The following NFKBIE variants were observed in gnomAD, a reference collection of about 807,000 sequenced individuals.
The protein encoded by NFKBIE is NF-kappa-B inhibitor epsilon.
A neutral mutation model predicts 31.6 loss-of-function variants in NFKBIE; 11 were observed. The observed-to-expected ratio is 0.35, with a 90% CI of 0.22 to 0.58. The LOEUF is 0.58. Among genes scored for constraint, NFKBIE ranks in the 20% least tolerant of loss-of-function variants. NFKBIE has a pLI of 0.83. For missense variants in NFKBIE, 354 were observed against 465.7 expected, an observed-to-expected ratio of 0.76 and a Z score of 2.21; for synonymous variants, 208 against 210.1, an observed-to-expected ratio of 0.99 and a Z score of 0.09.
Position 44,265,462 on chromosome 6 carries a change from G to C in NFKBIE, c.-116C>G, listed in dbSNP as rs1319403071. The stretch of plus-strand genomic sequence containing the variant: ...GCAGAGCGGGCGCCCGGCCCGCGGC[G>C]GCCTCCTTCCCGGGCTGTGGGGCTC... On this transcript the variant is annotated 5_prime_UTR_variant, in exon 1 of 6. Transcript: ENST00000619360. 6.6e-7 allele frequency: 1 copy of C among 1,507,988 alleles called. No individual in the cohort carries two copies. Among genetic ancestry groups the C allele is most frequent in the Non-Finnish European group, 8.8e-7 (1 of 1,135,230 alleles). 93.4% of individuals were successfully genotyped at this position (1,507,988 alleles called of 1,614,324 possible). A position where few individuals can be genotyped will look rare whatever the true frequency, so the allele number is the denominator to read the frequency against.
chr6:44,259,373 T>A lies in NFKBIE; in HGVS notation c.1021-89A>T, dbSNP rs1781807892. On this transcript the variant is annotated intron_variant, in intron 5 of 5. Transcript: ENST00000619360. ...GACCCAGGGAAACCTGTTGGGCCACTCCCTCCCCACCAAATGACAGTTGAA... is the reference window on the plus strand; with the variant it reads ...GACCCAGGGAAACCTGTTGGGCCACACCCTCCCCACCAAATGACAGTTGAA... The A allele has an allele frequency of 5.5e-6, 5 of 901,552 alleles. No individual in the cohort carries two copies. The South Asian group carries it at 6.5e-5, about 12-fold the overall frequency. The allele number at this position is 901,552 out of a possible 1,614,324, so 55.8% of individuals were successfully genotyped here.
rs919026010 is a variant in NFKBIE, at chr6:44,259,157, G to C, written c.*62C>G. On this transcript the variant is annotated 3_prime_UTR_variant, in exon 6 of 6. Transcript: ENST00000619360. ...CATAGCCTGGGCCCAAACTGCAGCA[G>C]TTATGGCTCCGGCTTCCAGATGGAG... The C allele has an allele frequency of 1.3e-6, 2 of 1,579,600 alleles. No individual in the cohort carries two copies. The highest frequency in any genetic ancestry group is 1.7e-6 in the Non-Finnish European group (2 of 1,150,624).
At position 44,265,341 on chromosome 6, in the gene NFKBIE, C is replaced by T; in HGVS notation, c.6G>A (p.Ser2=). M[S]EARKGPDEAE... ...CCTCGTCCGGCCCCTTCCGCGCCTC[C>T]GACATGCCCGCGGCTCTGGCCGGCC... The change falls in exon 1 of 6, where the codon TCG becomes TCA. Residue 2 remains serine, a synonymous_variant. Coordinates refer to ENST00000619360, the MANE Select transcript of NFKBIE (RefSeq NM_004556.3). The T allele has an allele frequency of 6.4e-7, 1 of 1,556,066 alleles. No individual in the cohort carries two copies. Among genetic ancestry groups the T allele is most frequent in the Non-Finnish European group, 8.6e-7 (1 of 1,156,152 alleles).
Position 44,260,120 on chromosome 6 carries a change from A to T in NFKBIE, c.943T>A (p.Ser315Thr), listed in dbSNP as rs1447317421. Residue 315 changes from serine to threonine, a missense_variant, in exon 5 of 6, where the codon TCC (serine) becomes ACC (threonine). Ser to Thr is a moderately conservative substitution (Grantham distance 58). Coordinates refer to ENST00000619360, the MANE Select transcript of NFKBIE (RefSeq NM_004556.3). This position sits in a 1 kb window ranked among gnomAD's most constrained non-coding sequence, Gnocchi z 5.5. The part of the protein sequence containing the change: ...AAGRGLMGIS[S>T]TLCKAGADSL... ...TCAGCACCCGCCTTGCACAGAGTGGATGAGATGCCCATGAGACCCCGGCCA... is the reference window on the plus strand; with the variant it reads ...TCAGCACCCGCCTTGCACAGAGTGGTTGAGATGCCCATGAGACCCCGGCCA... 1 of 1,614,212 alleles carries T rather than the reference A, an allele frequency of 6.2e-7. No individual in the cohort carries two copies.
chr6:44,261,233 C>T lies in NFKBIE; in HGVS notation c.691+393G>A, dbSNP rs2153331990. On this transcript the variant is annotated intron_variant, in intron 3 of 5. Coordinates refer to ENST00000619360, the MANE Select transcript of NFKBIE (RefSeq NM_004556.3). The surrounding 1 kb of genome is among the most constrained non-coding windows in gnomAD (Gnocchi z 4.3). ...GCACTTACTTCCTTTTAACATATTA[C>T]ATAGTTCACTTCTTACATTTATTGC... 6.6e-6 allele frequency among the ~76,000 whole-genome samples: 1 copy of T among 152,332 alleles called. No individual in the cohort carries two copies. Among genetic ancestry groups the T allele is most frequent in the African/African-American group, 2.4e-5 (1 of 41,574 alleles).
intron 5 of NFKBIE, among the ~76,000 whole-genome samples, chr6:44,259,825 A>G (rs1583007893): frequency 6.6e-6 from 1 of 152,066 alleles, no homozygotes. Flanking sequence ...TATCTGGCCA[A>G]CTTCACTGAT....
rs1782060399 is a variant in NFKBIE, at chr6:44,264,901, G to A, written c.365+81C>T. ...TGGGGACTTGAAGGATCTTCACGGG[G>A]GAGTGGGGGTGCCCGACCTGTTGCG... On this transcript the variant is annotated intron_variant, in intron 1 of 5. Transcript: ENST00000619360. 3.5e-6 allele frequency: 5 copies of A among 1,438,670 alleles called. No homozygotes were observed. In the Admixed American group the frequency reaches 6.1e-5, roughly 17 times the overall value. 89.1% of individuals were successfully genotyped at this position (1,438,670 alleles called of 1,614,324 possible).
chr6:44,259,851 G>A (rs1409460253), intron 5 of NFKBIE, among the ~76,000 whole-genome samples, 192 bp downstream of exon 5: 1 of 152,018 alleles, frequency 6.6e-6, no homozygotes, highest in Admixed American at 6.6e-5. Context: ...TTAACTGCAG[G>A]GTCCCTGTAA....
Position 44,264,990 on chromosome 6 carries a change from G to A in NFKBIE, c.357C>T (p.Asp119=). ...CTAGCCCCCATACTCACGTGTCTCC[G>A]TCCTCGGAGATGTAAGTGAGTGCTT... ...QLEALTYISE[D]GDTLVHLAVI... The change falls in exon 1 of 6, where the codon GAC becomes GAT. Residue 119 remains aspartate (D), a synonymous_variant. Coordinates refer to ENST00000619360, the MANE Select transcript of NFKBIE (RefSeq NM_004556.3). 6.4e-6 allele frequency: 10 copies of A among 1,570,532 alleles called. 1 individual carries two copies. The South Asian group carries it at 9.3e-5, about 15-fold the overall frequency.
rs1270776303 is a variant in NFKBIE at position 44,263,434 on chromosome 6, C to T, written c.366-772G>A. Among the ~76,000 whole-genome samples, 9 of 150,158 alleles carry T rather than the reference C, an allele frequency of 6.0e-5. No individual in the cohort carries two copies. Among genetic ancestry groups the T allele is most frequent in the South Asian group, 2.1e-4 (1 of 4,750 alleles). ...AAAGCCAGTGATGGAGGGTCTAGGC[C>T]GGGACAGCTGCCTTGGGGCATTAGT... is the stretch of plus-strand genomic sequence containing the variant. On this transcript the variant is annotated intron_variant, in intron 1 of 5. Transcript: ENST00000619360. The surrounding 1 kb of genome is among the most constrained non-coding windows in gnomAD (Gnocchi z 5.0).
rs1009976687 is a variant in NFKBIE, at chr6:44,261,039, G to A, written c.692-500C>T. Among the ~76,000 whole-genome samples the A allele has an allele frequency of 2.9e-4, 44 of 152,148 alleles. No individual in the cohort carries two copies. Among genetic ancestry groups the A allele is most frequent in the African/African-American group, 9.2e-4 (38 of 41,514 alleles). On this transcript the variant is annotated intron_variant, in intron 3 of 5. Coordinates refer to ENST00000619360, the MANE Select transcript of NFKBIE (RefSeq NM_004556.3). The surrounding 1 kb of genome is among the most constrained non-coding windows in gnomAD (Gnocchi z 4.3). Reference sequence around the variant, plus strand: ...TCTAGTCTGGACACTCCCGACCCTTGCTTAGTAATAGAGATTTCGATTCAA... The same window carrying A: ...TCTAGTCTGGACACTCCCGACCCTTACTTAGTAATAGAGATTTCGATTCAA...
In NFKBIE at chr6:44,260,872, C is replaced by CATACAG. The variant is rs1246061656; in HGVS notation, c.692-334_692-333insCTGTAT. Among the ~76,000 whole-genome samples, 2 of 135,814 alleles carry CATACAG rather than the reference C, an allele frequency of 1.5e-5. No individual in the cohort carries two copies. The highest frequency in any genetic ancestry group is 2.5e-4 in the South Asian group (1 of 4,002). The allele number at this position is 135,814 out of a possible 152,430, so 89.1% of individuals were successfully genotyped here. A position where few individuals can be genotyped will look rare whatever the true frequency, so the allele number is the denominator to read the frequency against. On this transcript the variant is annotated intron_variant, in intron 3 of 5. Transcript: ENST00000619360. The surrounding 1 kb of genome is among the most constrained non-coding windows in gnomAD (Gnocchi z 5.5). ...ACACACACATACAGACACACACACA[C>CATACAG]ACACACACACACACACACAACCTGC...
In NFKBIE at chr6:44,260,225, G is replaced by C; in HGVS notation, c.838C>G (p.Leu280Val). 3 of 1,613,774 alleles carry C rather than the reference G, an allele frequency of 1.9e-6. No individual in the cohort carries two copies. Among genetic ancestry groups the C allele is most frequent in the South Asian group, 1.1e-5 (1 of 91,082 alleles). ...CCAGCCTGGAGCAGGAACTGTACCAGGCCCCGCTCTTGGGTTTCCACAGCC... is the reference window on the plus strand; with the variant it reads ...CCAGCCTGGAGCAGGAACTGTACCACGCCCCGCTCTTGGGTTTCCACAGCC... ...HLAVETQERG[L>V]VQFLLQAGAQ... The change falls in exon 5 of 6, where the codon CTG becomes GTG. Residue 280 changes from leucine to valine, a missense_variant. Around this residue, in one of 2 missense-constraint regions of NFKBIE, gnomAD observed 183 missense variants for 310.6 expected, o/e 0.59. Coordinates refer to ENST00000619360, the MANE Select transcript of NFKBIE (RefSeq NM_004556.3). This position sits in a 1 kb window ranked among gnomAD's most constrained non-coding sequence, Gnocchi z 5.5.
chr6:44,262,539 T>A, intron 2 of NFKBIE, 21 bp downstream of exon 2: 3 of 1,605,344 alleles, frequency 1.9e-6, no homozygotes. Flanking sequence ...TATCTGGGCA[T>A]AACATTCTCT....
chr6:44,264,853 A>G lies in NFKBIE; in HGVS notation c.365+129T>C, dbSNP rs982095385. On this transcript the variant is annotated intron_variant, in intron 1 of 5. Transcript: ENST00000619360. The stretch of plus-strand genomic sequence containing the variant: ...GACCTCAAAAGTGGGCTGAGAGTTA[A>G]GTCTGGAGTTTGGAAGAGCGAATGG... The G allele has an allele frequency of 5.8e-6, 6 of 1,035,902 alleles. No homozygotes were observed. The African/African-American group carries it at 8.0e-5, about 14-fold the overall frequency. 64.2% of individuals were successfully genotyped at this position (1,035,902 alleles called of 1,614,324 possible).
Position 44,260,033 on chromosome 6 carries a change from T to C in NFKBIE, c.1020+10A>G, listed in dbSNP as rs1422632100. On this transcript the variant is annotated intron_variant, in intron 5 of 5. Transcript: ENST00000619360. The surrounding 1 kb of genome is among the most constrained non-coding windows in gnomAD (Gnocchi z 5.5). ...GCAAGGCCCTGGAGAGCAAAGCATA[T>C]GCCACTTACTTCCTCAGTCAGGTCC... is the stretch of plus-strand genomic sequence containing the variant. 6.2e-7 allele frequency: 1 copy of C among 1,612,146 alleles called. No individual in the cohort carries two copies. Among genetic ancestry groups the C allele is most frequent in the Non-Finnish European group, 8.5e-7 (1 of 1,178,428 alleles).
Position 44,259,686 on chromosome 6 carries a change from C to T in NFKBIE, c.1020+357G>A, listed in dbSNP as rs571985695. The stretch of plus-strand genomic sequence containing the variant: ...TACAGAAAATCTGAGTTTCACCTCT[C>T]AAGAAAGTCCAAGACCAGGAAAAAC... On this transcript the variant is annotated intron_variant, in intron 5 of 5. Transcript: ENST00000619360. Among the ~76,000 whole-genome samples, 5 of 152,276 alleles carry T rather than the reference C, an allele frequency of 3.3e-5. No individual in the cohort carries two copies. In the South Asian group the frequency reaches 1.0e-3, roughly 32 times the overall value.
At position 44,260,405 on chromosome 6, in the gene NFKBIE, G is replaced by A; in HGVS notation, c.780+46C>T. The A allele has an allele frequency of 6.2e-7, 1 of 1,613,686 alleles. No individual in the cohort carries two copies. Among genetic ancestry groups the A allele is most frequent in the South Asian group, 1.1e-5 (1 of 91,066 alleles). On this transcript the variant is annotated intron_variant, in intron 4 of 5. Transcript: ENST00000619360. The surrounding 1 kb of genome is among the most constrained non-coding windows in gnomAD (Gnocchi z 5.5). ...GGCAGGGGACTTGGGGATGTGTCAG[G>A]TGGGGGCAGGCCCTGGGCCGGGCAG... is the stretch of plus-strand genomic sequence containing the variant.
Position 44,265,348 on chromosome 6 carries a change from C to G in NFKBIE, c.-2G>C. 2 of 1,557,726 alleles carry G rather than the reference C, an allele frequency of 1.3e-6. No individual in the cohort carries two copies. Among genetic ancestry groups the G allele is most frequent in the Non-Finnish European group, 1.7e-6 (2 of 1,157,276 alleles). On this transcript the variant is annotated 5_prime_UTR_variant, in exon 1 of 6. Transcript: ENST00000619360. ...CGGCCCCTTCCGCGCCTCCGACATG[C>G]CCGCGGCTCTGGCCGGCCGGGGCCC...
Sources: gnomAD v4.1 joint callset for allele counts (sites outside exome capture counted in the v4.1 genomes callset) on GRCh38, gnomAD v4.1.1 for gene constraint, gnomAD v4.1.1 regional missense constraint, Gnocchi (gnomAD v3.1) non-coding constraint, MANE v1.5 for transcripts, NCBI Gene and HGNC (gene_info 2026-07-23, HGNC 2026-07-21) for gene names.